ELP1: variants seen among roughly 807,000 people sequenced by gnomAD.
The protein encoded by ELP1 is elongator complex protein 1.
ELP1 carries 131 observed loss-of-function variants against 183.2 expected under a neutral mutation model. That is an observed-to-expected ratio of 0.72 (90% CI 0.62 to 0.83). The LOEUF is 0.83. Among genes scored for constraint, ELP1 ranks in the 40% least tolerant of loss-of-function variants. ELP1 has a pLI of 0.00. For synonymous variants in ELP1, 555 were observed against 569.0 expected (o/e 0.98, Z 0.35); for missense variants, 1,550 against 1,594.9 (o/e 0.97, Z 0.48).
intron 5 of ELP1, among the ~76,000 whole-genome samples, chr9:108,923,548 T>A (rs1218423752): frequency 6.6e-6 from 1 of 152,162 alleles, no homozygotes; most frequent in Non-Finnish European, 1.5e-5. Flanking sequence ...GAATGAAACA[T>A]AAAGAGTTTA....
intron 3 of ELP1, 23 bp from the exon 4 acceptor site, chr9:108,927,476 G>A: frequency 5.0e-6 from 8 of 1,587,420 alleles, no homozygotes; most frequent in Non-Finnish European, 6.9e-6. Context: ...AAATTGAAAA[G>A]AGAGATTCAA....
At chr9:108,909,442 G>A (rs569085497) in intron 12 of ELP1, among the ~76,000 whole-genome samples, 4 of 152,178 alleles carry the variant, frequency 2.6e-5, no homozygotes, top group South Asian at 2.1e-4. Flanking sequence ...CTTTGGCAAC[G>A]AACTTGTCTC....
At chr9:108,906,235 T>A in intron 14 of ELP1, 68 bp downstream of exon 14, 1 of 1,493,516 alleles carries the variant, frequency 6.7e-7, no homozygotes, top group Non-Finnish European at 9.3e-7. Context: ...AAAAGTTGTA[T>A]GCTCATAAAA....
chr9:108,911,325 AAC>A, intron 11 of ELP1, 145 bp from the exon 12 acceptor site: 1 of 836,714 alleles, frequency 1.2e-6, no homozygotes, highest in Non-Finnish European at 2.0e-6. Flanking sequence ...CAAGTCTAAA[AAC>A]AGTGTGGGAT....
At chr9:108,920,204 A>G (rs1829592952) in intron 6 of ELP1, among the ~76,000 whole-genome samples, 1 of 151,950 alleles carries the variant, frequency 6.6e-6, no homozygotes, top group Non-Finnish European at 1.5e-5. Flanking sequence ...GCTCATAGAA[A>G]TTTCTACATA....
rs761694499 is a variant in ELP1 at position 108,897,163 on chromosome 9, C to A, written c.2486G>T (p.Ser829Ile). 16 of 1,614,200 alleles carry A rather than the reference C, an allele frequency of 9.9e-6. No homozygotes were observed. Among genetic ancestry groups the A allele is most frequent in the Non-Finnish European group, 1.3e-5 (15 of 1,180,044 alleles). ...GCATACATACTTATGAGGATTTATG[C>A]TCTCCATGACTGCTCTCATAGCATC... is the stretch of plus-strand genomic sequence containing the variant. The part of the protein sequence containing the change: ...VCDAMRAVME[S>I]INPHKYCLSI... Residue 829 changes from serine (S) to isoleucine (I), a missense_variant, in exon 23 of 37, where the codon AGC (serine) becomes ATC (isoleucine). Ser to Ile is a moderately radical substitution (Grantham distance 142). Transcript: ENST00000374647.
rs755988042 is a variant in ELP1 at position 108,929,894 on chromosome 9, C to T, written c.178G>A (p.Glu60Lys). Reference protein sequence around the residue: ...EVKNEVSLVAEGFLPEDGSGR... With the variant: ...EVKNEVSLVAKGFLPEDGSGR... The stretch of plus-strand genomic sequence containing the variant: ...CTTCCATCCTCTGGGAGAAAGCCTT[C>T]TGCCACCAAAGAAACTTCATTTTTC... The change falls in exon 3 of 37, where the codon GAA (glutamate) becomes AAA (lysine). Residue 60 changes from glutamate to lysine, a missense_variant. Physicochemically the swap from Glu to Lys is moderately conservative, Grantham distance 56. Transcript: ENST00000374647. 2.5e-5 allele frequency: 40 copies of T among 1,613,746 alleles called. No individual in the cohort carries two copies. The highest frequency in any genetic ancestry group is 1.5e-4 in the Admixed American group (9 of 60,000).
At chr9:108,930,013 A>C in intron 2 of ELP1, 92 bp from the exon 3 acceptor site, 1 of 1,407,254 alleles carries the variant, frequency 7.1e-7, no homozygotes. Flanking sequence ...TGCTTCTTTT[A>C]TTACATAAAA....
In ELP1 at chr9:108,900,341, G is replaced by A; in HGVS notation, c.2049C>T (p.Ser683=). 6.2e-7 allele frequency: 1 copy of A among 1,614,026 alleles called. No individual in the cohort carries two copies. Among genetic ancestry groups the A allele is most frequent in the Non-Finnish European group, 8.5e-7 (1 of 1,179,974 alleles). The change falls in exon 19 of 37, where the codon TCC becomes TCT. Residue 683 remains serine (S), a synonymous_variant. Coordinates refer to ENST00000374647, the MANE Select transcript of ELP1 (RefSeq NM_003640.5). ...LQAGLSSNHV[S]HGEVLRKVER... ...CCACTTTCCGCAGAACTTCCCCATGGGACACATGATTGCTGCTCAGGCCGG... is the reference window on the plus strand; with the variant it reads ...CCACTTTCCGCAGAACTTCCCCATGAGACACATGATTGCTGCTCAGGCCGG...
chr9:108,898,300 A>G (rs1019558953), intron 22 of ELP1, among the ~76,000 whole-genome samples: 1 of 152,244 alleles, frequency 6.6e-6, no homozygotes, highest in African/African-American at 2.4e-5. Context: ...TCTGAATGAC[A>G]TGTTTTAAGG....
chr9:108,896,404 G>T, intron 25 of ELP1, 92 bp downstream of exon 25: 2 of 1,174,162 alleles, frequency 1.7e-6, no homozygotes, highest in Non-Finnish European at 2.5e-6. Flanking sequence ...CAGAGTGATA[G>T]CAGAAAAGCT....
In ELP1 at chr9:108,927,400, A is replaced by G. The variant is rs761020794; in HGVS notation, c.357T>C (p.Pro119=). 6.2e-7 allele frequency: 1 copy of G among 1,613,908 alleles called. No homozygotes were observed. The highest frequency in any genetic ancestry group is 8.5e-7 in the Non-Finnish European group (1 of 1,179,800). The change falls in exon 4 of 37, where the codon CCT becomes CCC. Residue 119 remains proline (P), a synonymous_variant. Coordinates refer to ENST00000374647, the MANE Select transcript of ELP1 (RefSeq NM_003640.5). Reference sequence around the variant, plus strand: ...TGGCAAGAAGCACCAGCTCTTGGTCAGGACTCCAACTCATAACAGAGATAC... The same window carrying G: ...TGGCAAGAAGCACCAGCTCTTGGTCGGGACTCCAACTCATAACAGAGATAC... ...ASGISVMSWS[P]DQELVLLATG...
At chr9:108,891,007 T>A (rs1162728688) in intron 28 of ELP1, among the ~76,000 whole-genome samples, 196 bp downstream of exon 28, 3 of 152,192 alleles carry the variant, frequency 2.0e-5, no homozygotes, top group Non-Finnish European at 4.4e-5. Context: ...TAAACTTCTT[T>A]CCATATTGGG....
At chr9:108,918,314 AAGG>A (rs1259743720) in intron 8 of ELP1, among the ~76,000 whole-genome samples, 1 of 152,220 alleles carries the variant, frequency 6.6e-6, no homozygotes, top group Non-Finnish European at 1.5e-5. Context: ...GTACTGGGCC[AAGG>A]AGGAGAATGG....
In ELP1 at chr9:108,901,719, T is replaced by C. The variant is rs114088295; in HGVS notation, c.1855-38A>G. On this transcript the variant is annotated intron_variant, in intron 16 of 36. Coordinates refer to ENST00000374647, the MANE Select transcript of ELP1 (RefSeq NM_003640.5). The stretch of plus-strand genomic sequence containing the variant: ...AAAACTGAAATCACAAGCAATTCTA[T>C]CTCAAATCAGTTAAACCTACCTTTT... The C allele has an allele frequency of 8.9e-4, 1,417 of 1,597,090 alleles. 13 individuals carry two copies. In the African/African-American group the frequency reaches 0.017, roughly 19 times the overall value.
At chr9:108,902,442 G>T (rs1421290875) in intron 16 of ELP1, among the ~76,000 whole-genome samples, 2 of 152,114 alleles carry the variant, frequency 1.3e-5, no homozygotes, top group Non-Finnish European at 2.9e-5. Context: ...TTAGTCAAGC[G>T]GTTTTGTTTT....
chr9:108,887,290 A>C (rs1402953820), intron 29 of ELP1, among the ~76,000 whole-genome samples: 1 of 152,198 alleles, frequency 6.6e-6, no homozygotes, highest in Non-Finnish European at 1.5e-5. Flanking sequence ...TTTCTCCAAT[A>C]TCAGGAAAAA....
At chr9:108,895,640 G>C (rs746727493) in intron 25 of ELP1, among the ~76,000 whole-genome samples, 1 of 152,116 alleles carries the variant, frequency 6.6e-6, no homozygotes, top group South Asian at 2.1e-4. Context: ...TTATATCCTC[G>C]GAACAATGGG....
At chr9:108,915,390 T>C (rs1025841675) in intron 10 of ELP1, among the ~76,000 whole-genome samples, 2 of 152,230 alleles carry the variant, frequency 1.3e-5, no homozygotes, top group Non-Finnish European at 2.9e-5. Flanking sequence ...TTCCCCATAA[T>C]GTGGGAAGGT....
Sources: allele counts gnomAD v4.1 joint callset (sites outside exome capture counted in the v4.1 genomes callset), GRCh38; gene constraint gnomAD v4.1.1; transcripts MANE v1.5; gene names NCBI Gene and HGNC (gene_info 2026-07-23, HGNC 2026-07-21).